Variants in NOX4 observed in about 807,000 individuals in gnomAD.
NOX4 encodes NADPH oxidase 4, also known as kidney oxidase-1.
NOX4 carries 69 observed loss-of-function variants against 87.6 expected under a neutral mutation model. The ratio of observed to expected loss-of-function variants is 0.79; its 90% CI spans 0.65 to 0.96. NOX4 has a LOEUF of 0.96. NOX4 is among the 40% of genes least tolerant of loss of function. NOX4 has a pLI of 0.00. For missense variants in NOX4, 680 were observed against 681.5 expected (o/e 1.00, Z 0.02); for synonymous variants, 275 against 238.2 (o/e 1.15, Z -1.42).
the NOX4 span, among the ~76,000 whole-genome samples, chr11:89,585,060 C>T: frequency 9.9e-5 from 15 of 151,998 alleles, no homozygotes; most frequent in Non-Finnish European, 2.1e-4. Flanking sequence ...ATTGGGTGGG[C>T]GAATTTTGTA....
chr11:89,533,170 T>C, the NOX4 span, among the ~76,000 whole-genome samples: 1 of 152,230 alleles, frequency 6.6e-6, no homozygotes, highest in Non-Finnish European at 1.5e-5. Context: ...GTGTGACATA[T>C]AGTAGGCACT....
intron 11 of NOX4, among the ~76,000 whole-genome samples, chr11:89,398,909 T>C (rs1266042676): frequency 2.0e-5 from 3 of 151,868 alleles, no homozygotes; most frequent in Non-Finnish European, 4.4e-5. Flanking sequence ...TCACATGTAG[T>C]TGAGTGAAAG....
intron 13 of NOX4, among the ~76,000 whole-genome samples, chr11:89,347,012 C>A (rs191535592): frequency 5.0e-4 from 76 of 152,256 alleles, no homozygotes; most frequent in Middle Eastern, 3.4e-3. Context: ...CAGAATACTA[C>A]CTTTTAGATC....
chr11:89,550,990 T>G, the NOX4 span, among the ~76,000 whole-genome samples: 1 of 152,164 alleles, frequency 6.6e-6, no homozygotes, highest in East Asian at 1.9e-4. Flanking sequence ...CCAGTTTCAG[T>G]TTTCTGCATA....
rs3066903 is a variant in NOX4 at position 89,470,076 on chromosome 11, A to AAAT, written c.154-18184_154-18182dup. Among the ~76,000 whole-genome samples the AAAT allele has an allele frequency of 3.7e-3, 551 of 149,638 alleles. 2 individuals are homozygous for AAAT. The highest frequency in any genetic ancestry group is 0.015 in the East Asian group (77 of 5,014). On this transcript the variant is annotated intron_variant, in intron 2 of 17. Coordinates refer to ENST00000263317, the MANE Select transcript of NOX4 (RefSeq NM_016931.5). ...CTCATTTTCCTCATCTGCAAAATGA[A>AAAT]AATAATAATAATAATAATAATAATA...
At chr11:89,429,773 G>T (rs1374737682) in intron 7 of NOX4, among the ~76,000 whole-genome samples, 1 of 152,112 alleles carries the variant, frequency 6.6e-6, no homozygotes, top group Non-Finnish European at 1.5e-5. Flanking sequence ...TCTACCAGAG[G>T]TACAAGGAGG....
At position 89,326,042 on chromosome 11, in the gene NOX4, C is replaced by T. The variant is rs568159058; in HGVS notation, c.*714G>A. On this transcript the variant is annotated 3_prime_UTR_variant, in exon 18 of 18. Coordinates refer to ENST00000263317, the MANE Select transcript of NOX4 (RefSeq NM_016931.5). ...TAGATTTAAATGAAGATGAAAGGGA[C>T]CTATTAAATCATTATGTCTAATGCA... 8 of 150,104 alleles carry T rather than the reference C, an allele frequency of 5.3e-5. No individual in the cohort carries two copies. Among genetic ancestry groups the T allele is most frequent in the African/African-American group, 2.0e-4 (8 of 40,986 alleles). 9.3% of individuals were successfully genotyped at this position (150,104 alleles called of 1,614,324 possible).
At chr11:89,336,185 T>A (rs1339069074) in intron 16 of NOX4, 1 of 327,956 alleles carries the variant, frequency 3.0e-6, no homozygotes. Context: ...ACAAAATCTA[T>A]TCTGGTAAAA....
intron 6 of NOX4, among the ~76,000 whole-genome samples, chr11:89,436,631 A>G (rs924282510): frequency 1.3e-5 from 2 of 152,154 alleles, no homozygotes; most frequent in African/African-American, 4.8e-5. Context: ...GATTGTTTTC[A>G]TCCATACCCA....
chr11:89,525,427 G>T, the NOX4 span, among the ~76,000 whole-genome samples: 1 of 151,958 alleles, frequency 6.6e-6, no homozygotes, highest in African/African-American at 2.4e-5. Context: ...GATATGTAAT[G>T]TACCTCATTT....
chr11:89,533,428 A>G, the NOX4 span, among the ~76,000 whole-genome samples: 1 of 152,322 alleles, frequency 6.6e-6, no homozygotes, highest in East Asian at 1.9e-4. Context: ...CAACAGCACA[A>G]GCCAGATGTA....
At chr11:89,494,408 C>G (rs566160795), upstream of NOX4, among the ~76,000 whole-genome samples, 5 of 152,264 alleles carry the variant, frequency 3.3e-5, no homozygotes, top group African/African-American at 1.2e-4. Context: ...AATACTCTTT[C>G]TACATAATCA....
chr11:89,433,343 T>C (rs1231399639), intron 6 of NOX4, among the ~76,000 whole-genome samples: 1 of 152,110 alleles, frequency 6.6e-6, no homozygotes, highest in African/African-American at 2.4e-5. Flanking sequence ...TATTCCATTT[T>C]TTTTAATTCC....
chr11:89,367,998 T>C (rs1398637116), intron 12 of NOX4, among the ~76,000 whole-genome samples: 1 of 152,038 alleles, frequency 6.6e-6, no homozygotes, highest in African/African-American at 2.4e-5. Flanking sequence ...CAAGTTTTCT[T>C]CCCAGAAACT....
At chr11:89,332,123 T>C (rs1425513455) in intron 17 of NOX4, among the ~76,000 whole-genome samples, 2 of 151,824 alleles carry the variant, frequency 1.3e-5, no homozygotes, top group Admixed American at 6.6e-5. Context: ...CTTTTTCATG[T>C]AGATTTGTAA....
rs935582218 is a variant in NOX4, at chr11:89,432,781, T to C, written c.548+3A>G. 3 of 1,597,740 alleles carry C rather than the reference T, an allele frequency of 1.9e-6. No individual in the cohort carries two copies. The African/African-American group carries it at 4.0e-5, about 21-fold the overall frequency. ...CATCAAAATAATTGATTCTGACACT[T>C]ACCTTATTGCATATGTAGAGGCTGT... On this transcript the variant is annotated splice_donor_region_variant and intron_variant, in intron 7 of 17. Transcript: ENST00000263317.
rs768878595 is a variant in NOX4 at position 89,402,394 on chromosome 11, C to T, written c.778G>A (p.Glu260Lys). 1.2e-6 allele frequency: 2 copies of T among 1,613,216 alleles called. No homozygotes were observed. Among genetic ancestry groups the T allele is most frequent in the Non-Finnish European group, 1.7e-6 (2 of 1,179,668 alleles). The change falls in exon 9 of 18, where the codon GAG becomes AAG. Residue 260 changes from glutamate to lysine, a missense_variant. Transcript: ENST00000263317. ...PFPEGFSKPA[E>K]FTQHKFVKIC... ...TTCACAAATTTGTGCTGGGTAAACT[C>T]TGCCGGTTTTGAAAATCCTTCAGGG...
At chr11:89,401,541 A>G (rs555015980) in intron 9 of NOX4, among the ~76,000 whole-genome samples, 2 of 152,080 alleles carry the variant, frequency 1.3e-5, no homozygotes, top group African/African-American at 4.8e-5. Flanking sequence ...TGACATCACT[A>G]TTTCCTACTT....
At chr11:89,404,885 G>A (rs1344850598) in intron 8 of NOX4, among the ~76,000 whole-genome samples, 3 of 152,078 alleles carry the variant, frequency 2.0e-5, no homozygotes, top group African/African-American at 7.2e-5. Flanking sequence ...ATCATACAAG[G>A]TAAGTGTTTT....
Sources: allele counts gnomAD v4.1 joint callset (sites outside exome capture counted in the v4.1 genomes callset), GRCh38; gene constraint gnomAD v4.1.1; transcripts MANE v1.5; gene names NCBI Gene and HGNC (gene_info 2026-07-23, HGNC 2026-07-21).